The following EMCN variants were observed in gnomAD, a reference collection of about 807,000 sequenced individuals.
The protein encoded by EMCN is MUC-14.
In EMCN, 37 loss-of-function variants were observed where a neutral mutation model predicts 38.4. That is an observed-to-expected ratio of 0.96 (90% CI 0.74 to 1.27). The LOEUF (loss-of-function observed/expected upper bound fraction) is 1.27. Among genes scored for constraint, EMCN ranks in the 50% most tolerant of loss-of-function variants. EMCN has a pLI of 0.00. For synonymous variants in EMCN, 95 were observed against 100.8 expected (o/e 0.94, Z 0.35); for missense variants, 318 against 302.8 (o/e 1.05, Z -0.37).
chr4:100,470,378 T>TA (rs34533710), intron 3 of EMCN, among the ~76,000 whole-genome samples: 58 of 145,672 alleles, frequency 4.0e-4, no homozygotes, highest in African/African-American at 1.3e-3. Context: ...ACTAAAATGT[T>TA]AAAAAAAAAA....
At chr4:100,402,857 T>C (rs1726293124) in intron 11 of EMCN, among the ~76,000 whole-genome samples, 1 of 152,134 alleles carries the variant, frequency 6.6e-6, no homozygotes, top group South Asian at 2.1e-4. Context: ...ACTTGCTTTT[T>C]CCAAGTTGGA....
At chr4:100,508,501 G>A (rs758358151) in intron 1 of EMCN, among the ~76,000 whole-genome samples, 28 of 152,050 alleles carry the variant, frequency 1.8e-4, no homozygotes, top group Admixed American at 4.6e-4. Context: ...CACAAAGGGC[G>A]TTTGGATTAT....
At chr4:100,500,135 T>C (rs1438598215) in intron 1 of EMCN, among the ~76,000 whole-genome samples, 1 of 152,140 alleles carries the variant, frequency 6.6e-6, no homozygotes, top group Non-Finnish European at 1.5e-5. Flanking sequence ...ACAAAACACA[T>C]CAGAGGCTGC....
chr4:100,437,915 G>GT (rs1366818811), intron 5 of EMCN, among the ~76,000 whole-genome samples: 3 of 151,354 alleles, frequency 2.0e-5, no homozygotes, highest in Non-Finnish European at 4.4e-5. Context: ...TTTTTGGAAT[G>GT]TTTTTTTATT....
At chr4:100,424,561 C>A (rs1726991719) in intron 5 of EMCN, among the ~76,000 whole-genome samples, 1 of 152,144 alleles carries the variant, frequency 6.6e-6, no homozygotes, top group African/African-American at 2.4e-5. Flanking sequence ...CATGCTCATG[C>A]ATTTTTGACA....
intron 1 of EMCN, among the ~76,000 whole-genome samples, chr4:100,486,377 G>A (rs1337067977): frequency 5.9e-5 from 9 of 152,158 alleles, no homozygotes; most frequent in Admixed American, 5.9e-4. Flanking sequence ...AATATTTTGG[G>A]AGGGGAAATC....
At chr4:100,500,786 T>C (rs1729330541) in intron 1 of EMCN, among the ~76,000 whole-genome samples, 1 of 152,114 alleles carries the variant, frequency 6.6e-6, no homozygotes, top group Admixed American at 6.5e-5. Flanking sequence ...ATTTTGCAAT[T>C]GATAGACATT....
intron 4 of EMCN, among the ~76,000 whole-genome samples, chr4:100,462,077 C>G (rs889853288): frequency 3.3e-5 from 5 of 152,056 alleles, no homozygotes; most frequent in Non-Finnish European, 7.4e-5. Context: ...CCATGTTGGG[C>G]AATAAGCACC....
At chr4:100,437,541 T>C (rs561912210) in intron 5 of EMCN, among the ~76,000 whole-genome samples, 1 of 152,286 alleles carries the variant, frequency 6.6e-6, no homozygotes, top group South Asian at 2.1e-4. Context: ...GTTTCTGGTC[T>C]TACCTTTCAG....
chr4:100,424,271 T>C (rs1402229993), intron 5 of EMCN, among the ~76,000 whole-genome samples: 1 of 152,138 alleles, frequency 6.6e-6, no homozygotes, highest in Non-Finnish European at 1.5e-5. Flanking sequence ...CTCTTCCTCG[T>C]GCAGTATGAA....
chr4:100,509,458 A>T (rs1729567888), intron 1 of EMCN, among the ~76,000 whole-genome samples: 1 of 152,188 alleles, frequency 6.6e-6, no homozygotes, highest in Admixed American at 6.5e-5. Flanking sequence ...GCAGAGAGAG[A>T]TAATTGGAGA....
chr4:100,444,572 G>T (rs780438864), intron 5 of EMCN, among the ~76,000 whole-genome samples: 1 of 152,164 alleles, frequency 6.6e-6, no homozygotes, highest in African/African-American at 2.4e-5. Context: ...CCTGAGAGGA[G>T]AGTGCACAGT....
At chr4:100,448,884 G>A (rs1727761435) in intron 4 of EMCN, among the ~76,000 whole-genome samples, 2 of 147,384 alleles carry the variant, frequency 1.4e-5, no homozygotes, top group African/African-American at 5.0e-5. Flanking sequence ...TTCTGACTCT[G>A]CTCAGAAGTC....
At chr4:100,443,791 T>C (rs1727588917) in intron 5 of EMCN, among the ~76,000 whole-genome samples, 1 of 152,148 alleles carries the variant, frequency 6.6e-6, no homozygotes, top group African/African-American at 2.4e-5. Context: ...AGGCCCAGAG[T>C]GCTGAAATAT....
chr4:100,506,513 G>T (rs1578238441), intron 1 of EMCN, among the ~76,000 whole-genome samples: 1 of 151,706 alleles, frequency 6.6e-6, no homozygotes, highest in Non-Finnish European at 1.5e-5. Context: ...AATTTAAAGG[G>T]GTGCTTATTA....
At chr4:100,488,845 A>C (rs1273242919) in intron 1 of EMCN, among the ~76,000 whole-genome samples, 1 of 152,190 alleles carries the variant, frequency 6.6e-6, no homozygotes, top group Non-Finnish European at 1.5e-5. Flanking sequence ...AAGACTAGTT[A>C]TAAAGGGGTA....
intron 9 of EMCN, among the ~76,000 whole-genome samples, 198 bp from the exon 10 acceptor site, chr4:100,416,157 C>G (rs147953054): frequency 6.6e-6 from 1 of 151,614 alleles, no homozygotes; most frequent in Non-Finnish European, 1.5e-5. Flanking sequence ...TTTGTCTTTT[C>G]ACATACAAAT....
At chr4:100,433,101 T>A (rs557010611) in intron 5 of EMCN, among the ~76,000 whole-genome samples, 16 of 152,294 alleles carry the variant, frequency 1.1e-4, no homozygotes, top group East Asian at 5.8e-4. Flanking sequence ...CTACTTTGTA[T>A]CCTCTAATCT....
intron 5 of EMCN, among the ~76,000 whole-genome samples, chr4:100,425,170 C>CACACACAA (rs1283621198): frequency 1.1e-4 from 16 of 151,682 alleles, no homozygotes; most frequent in Admixed American, 2.0e-4. Flanking sequence ...CACACACACA[C>CACACACAA]ACACACACAC....
Sources: allele counts gnomAD v4.1 joint callset (sites outside exome capture counted in the v4.1 genomes callset), GRCh38; gene constraint gnomAD v4.1.1; transcripts MANE v1.5; gene names NCBI Gene and HGNC (gene_info 2026-07-23, HGNC 2026-07-21).